SLFN12L: variants seen among roughly 807,000 people sequenced by gnomAD.
SLFN12L encodes schlafen family member 12-like.
A neutral mutation model predicts 34.8 loss-of-function variants in SLFN12L; 34 were observed. That is an observed-to-expected ratio of 0.98 (90% CI 0.74 to 1.30). The LOEUF (loss-of-function observed/expected upper bound fraction) is 1.30. SLFN12L is among the 50% of genes most tolerant of loss of function. The pLI is 0.00. For missense variants in SLFN12L, 703 were observed against 696.2 expected, an observed-to-expected ratio of 1.01 and a Z score of -0.11; for synonymous variants, 259 against 247.5, an observed-to-expected ratio of 1.05 and a Z score of -0.44.
intron 4 of SLFN12L, among the ~76,000 whole-genome samples, chr17:35,476,942 G>A (rs1229872139): frequency 6.6e-6 from 1 of 152,132 alleles, no homozygotes; most frequent in Non-Finnish European, 1.5e-5. Context: ...TATAGAAAAA[G>A]ACTGGCAAGT....
chr17:35,499,036 C>G, intron 2 of SLFN12L: 1 of 749,724 alleles, frequency 1.3e-6, no homozygotes, highest in Non-Finnish European at 2.3e-6. Context: ...GCAGAAATCT[C>G]CCCTGATAGC....
chr17:35,490,975 C>T (rs1914812734), intron 2 of SLFN12L: 4 of 784,780 alleles, frequency 5.1e-6, no homozygotes, highest in Middle Eastern at 4.5e-4. Flanking sequence ...CAGGACATAG[C>T]GATTGCTCAA....
At chr17:35,496,275 G>A (rs930242204) in intron 2 of SLFN12L, among the ~76,000 whole-genome samples, 2 of 152,062 alleles carry the variant, frequency 1.3e-5, no homozygotes, top group Admixed American at 1.3e-4. Context: ...TATGAGCCCA[G>A]GAAATCAAGG....
Position 35,491,742 on chromosome 17 carries a change from A to C in SLFN12L, c.87-11547T>G, listed in dbSNP as rs192573825. Among the ~76,000 whole-genome samples, 9 of 152,386 alleles carry C rather than the reference A, an allele frequency of 5.9e-5. No individual in the cohort carries two copies. The East Asian group carries it at 1.7e-3, about 29-fold the overall frequency. ...AAATGCAAACTTGAAGTCATGCAAAAGTATGAAATGAATTTCTTCAGCTCT... is the reference window on the plus strand; with the variant it reads ...AAATGCAAACTTGAAGTCATGCAAACGTATGAAATGAATTTCTTCAGCTCT... On this transcript the variant is annotated intron_variant, in intron 2 of 4. Coordinates refer to ENST00000628453, the MANE Select transcript of SLFN12L (RefSeq NM_001363830.2).
rs1490476286 is a variant in SLFN12L at position 35,473,667 on chromosome 17, T to C, written c.*1256A>G. On this transcript the variant is annotated 3_prime_UTR_variant, in exon 5 of 5. Transcript: ENST00000628453. ...TGGTATCAGGATGATACTGGCTTCA[T>C]AAAATGAGTTAGGCAGGATTCTTTC... The C allele has an allele frequency of 6.6e-6, 1 of 152,226 alleles. No homozygotes were observed. Among genetic ancestry groups the C allele is most frequent in the African/African-American group, 2.4e-5 (1 of 41,460 alleles). The allele number at this position is 152,226 out of a possible 1,614,324, so 9.4% of individuals were successfully genotyped here.
At position 35,475,300 on chromosome 17, in the gene SLFN12L, G is replaced by A. The variant is rs761266315; in HGVS notation, c.1462C>T (p.Leu488Phe). 1 of 1,614,080 alleles carries A rather than the reference G, an allele frequency of 6.2e-7. No individual in the cohort carries two copies. Among genetic ancestry groups the A allele is most frequent in the East Asian group, 2.2e-5 (1 of 44,890 alleles). The stretch of plus-strand genomic sequence containing the variant: ...GGAGGCTTGTCCTGGGAAATCAGAA[G>A]AGCATCACAGAGGACTTTGTGGTTC... Reference protein sequence around the residue: ...QENHKVLCDALLISQDKPPVL... With the variant: ...QENHKVLCDAFLISQDKPPVL... The change falls in exon 5 of 5, where the codon CTT becomes TTT. Residue 488 changes from leucine to phenylalanine, a missense_variant. By Grantham distance (22) the Leu-to-Phe change is conservative. Coordinates refer to ENST00000628453, the MANE Select transcript of SLFN12L (RefSeq NM_001363830.2).
chr17:35,485,715 A>G (rs1238001470), intron 2 of SLFN12L, among the ~76,000 whole-genome samples: 2 of 152,212 alleles, frequency 1.3e-5, no homozygotes, highest in Non-Finnish European at 2.9e-5. Flanking sequence ...ATCCAGTTTC[A>G]TTCTTCTGCA....
intron 1 of SLFN12L, among the ~76,000 whole-genome samples, chr17:35,535,357 AT>A (rs759936884): frequency 0.013 from 1,807 of 141,378 alleles, 12 homozygotes; most frequent in Non-Finnish European, 0.017. Context: ...TGCCTAGCTA[AT>A]TTTTTTTTTT....
At position 35,508,857 on chromosome 17, in the gene SLFN12L, G is replaced by C. The variant is rs186993697; in HGVS notation, c.86+13422C>G. 3.8e-3 allele frequency among the ~76,000 whole-genome samples: 577 copies of C among 152,080 alleles called. 5 individuals carry two copies. The highest frequency in any genetic ancestry group is 0.013 in the African/African-American group (535 of 41,386). On this transcript the variant is annotated intron_variant, in intron 2 of 4. Transcript: ENST00000628453. ...TGACCTTATTAGCTTTGATGATACA[G>C]AGTTTGGGATTATTCTGGGCATTAA...
At chr17:35,529,650 C>A (rs978531868) in intron 1 of SLFN12L, among the ~76,000 whole-genome samples, 1 of 150,886 alleles carries the variant, frequency 6.6e-6, no homozygotes, top group East Asian at 1.9e-4. Flanking sequence ...ACAATGAGAA[C>A]ACACGGACAC....
At chr17:35,490,089 T>C in intron 2 of SLFN12L, 1 of 1,606,576 alleles carries the variant, frequency 6.2e-7, no homozygotes, top group South Asian at 1.1e-5. Flanking sequence ...GGCCCCCTCC[T>C]CCCCAGTGCC....
At chr17:35,501,985 G>T (rs1158046660) in intron 2 of SLFN12L, among the ~76,000 whole-genome samples, 1 of 151,958 alleles carries the variant, frequency 6.6e-6, no homozygotes, top group Non-Finnish European at 1.5e-5. Flanking sequence ...GACAAAGAGG[G>T]AGTCAAGAAG....
chr17:35,490,051 C>G, intron 2 of SLFN12L: 2 of 1,605,508 alleles, frequency 1.2e-6, no homozygotes, highest in South Asian at 2.2e-5. Flanking sequence ...CCTGTTCCCT[C>G]TCCCTCCAAA....
At chr17:35,536,328 T>C (rs1047362060) in intron 1 of SLFN12L, among the ~76,000 whole-genome samples, 2 of 152,214 alleles carry the variant, frequency 1.3e-5, no homozygotes, top group East Asian at 1.9e-4. Context: ...AAAAGTCACA[T>C]GTAAAAACAC....
At chr17:35,528,460 A>G (rs1328190215) in intron 1 of SLFN12L, among the ~76,000 whole-genome samples, 2 of 152,216 alleles carry the variant, frequency 1.3e-5, no homozygotes, top group Non-Finnish European at 2.9e-5. Flanking sequence ...CAAGGCTACA[A>G]TAACCAAAAC....
At chr17:35,527,127 C>G (rs1227514922) in intron 1 of SLFN12L, among the ~76,000 whole-genome samples, 1 of 152,158 alleles carries the variant, frequency 6.6e-6, no homozygotes, top group African/African-American at 2.4e-5. Context: ...GGATAAATTC[C>G]TGGACGCATA....
chr17:35,492,409 C>T (rs1047732705), intron 2 of SLFN12L, among the ~76,000 whole-genome samples: 2 of 152,156 alleles, frequency 1.3e-5, no homozygotes, highest in Admixed American at 6.5e-5. Flanking sequence ...GGAAAGGGCT[C>T]TCTTATACCA....
chr17:35,477,682 T>C (rs1914096990), intron 4 of SLFN12L, among the ~76,000 whole-genome samples: 1 of 152,098 alleles, frequency 6.6e-6, no homozygotes, highest in African/African-American at 2.4e-5. Context: ...TCCATGTATA[T>C]ACCCAAATAA....
intron 2 of SLFN12L, among the ~76,000 whole-genome samples, chr17:35,494,583 A>G (rs1276003299): frequency 1.3e-5 from 2 of 152,234 alleles, no homozygotes; most frequent in Non-Finnish European, 2.9e-5. Flanking sequence ...AGAACCCTGA[A>G]AAACAATAAA....
Sources: gnomAD v4.1 joint callset for allele counts (sites outside exome capture counted in the v4.1 genomes callset) on GRCh38, gnomAD v4.1.1 for gene constraint, MANE v1.5 for transcripts, NCBI Gene and HGNC (gene_info 2026-07-23, HGNC 2026-07-21) for gene names.